The following FRMPD4 variants were observed in gnomAD, a reference collection of about 807,000 sequenced individuals.
FRMPD4 encodes the protein FERM and PDZ domain containing 4.
FRMPD4 carries 22 observed loss-of-function variants against 94.1 expected under a neutral mutation model. That is an observed-to-expected ratio of 0.23 (90% confidence interval 0.17 to 0.33). The LOEUF is 0.33. FRMPD4 is among the 10% of genes least tolerant of loss of function. The probability of loss-of-function intolerance (pLI) is 1.00; values close to 1 mark genes in which losing one functional copy is unlikely to be tolerated. For missense variants in FRMPD4, 1,111 were observed against 1,339.9 expected (o/e 0.83, Z 2.67); for synonymous variants, 631 against 548.6 (o/e 1.15, Z -2.10).
At position 12,720,946 on chromosome X, in the gene FRMPD4, C is replaced by G; in HGVS notation, c.4377C>G (p.Ser1459Arg). Residue 1459 changes from serine (S) to arginine (R), a missense_variant, in exon 17 of 17, where the codon AGC becomes AGG. Physicochemically the swap from Ser to Arg is moderately radical, Grantham distance 110. Around this residue, in one of 8 missense-constraint regions of FRMPD4, gnomAD observed 551 missense variants for 591.6 expected, o/e 0.93. Coordinates refer to ENST00000675598, the MANE Select transcript of FRMPD4 (RefSeq NM_001368397.1). ...AGCTCACCAAAAGTTTTTCCCAAAG[C>G]TCAATGCACTTGAGCTCTGAGGGGA... ...GRKLTKSFSQ[S>R]SMHLSSEGRF... 1.6e-5 allele frequency: 13 copies of G among 797,345 alleles called. No individual in the cohort carries two copies. Among genetic ancestry groups the G allele is most frequent in the Non-Finnish European group, 2.0e-5 (13 of 665,145 alleles). The allele number at this position is 797,345 out of a possible 1,213,427, so 65.7% of individuals were successfully genotyped here.
intron 3 of FRMPD4, among the ~76,000 whole-genome samples, chrX:12,050,810 GTTCCAA>G: frequency 9.0e-6 from 1 of 110,503 alleles, no homozygotes; most frequent in Middle Eastern, 4.6e-3. Flanking sequence ...CCAAAAAATA[GTTCCAA>G]TCATACTTAA....
intron 3 of FRMPD4, among the ~76,000 whole-genome samples, chrX:12,123,128 T>C (rs1172806205): frequency 3.8e-5 from 4 of 105,521 alleles, no homozygotes; most frequent in Admixed American, 1.0e-4. Flanking sequence ...CTTTTCTTTT[T>C]TTTTTTTTTT....
intron 1 of FRMPD4, among the ~76,000 whole-genome samples, chrX:12,241,947 A>G (rs1332577364): frequency 3.0e-5 from 2 of 66,383 alleles, no homozygotes; most frequent in African/African-American, 8.8e-5. Context: ...GGGGAAGGGG[A>G]AGGGGAGGAG....
intron 1 of FRMPD4, among the ~76,000 whole-genome samples, chrX:12,434,947 T>G (rs1218333954): frequency 8.9e-6 from 1 of 112,882 alleles, no homozygotes; most frequent in African/African-American, 3.2e-5. Flanking sequence ...AGCAAAAATC[T>G]TGTTTCAGAT....
At chrX:12,702,384 A>T (rs1414529945) in intron 10 of FRMPD4, among the ~76,000 whole-genome samples, 1 of 111,955 alleles carries the variant, frequency 8.9e-6, no homozygotes, top group Non-Finnish European at 1.9e-5. Flanking sequence ...CGAGTCATAG[A>T]ATAACTTGCC....
chrX:12,091,050 C>G (rs1366620113), intron 3 of FRMPD4, among the ~76,000 whole-genome samples: 1 of 112,099 alleles, frequency 8.9e-6, no homozygotes, highest in African/African-American at 3.2e-5. Context: ...TTTTGCTGAA[C>G]AAGTACCTAC....
rs779251615 is a variant in FRMPD4, at chrX:12,609,784, G to A, written c.222G>A (p.Pro74=). The change falls in exon 3 of 17, where the codon CCG becomes CCA. Residue 74 remains proline (P), a synonymous_variant. Coordinates refer to ENST00000675598, the MANE Select transcript of FRMPD4 (RefSeq NM_001368397.1). The stretch of plus-strand genomic sequence containing the variant: ...TAGAGAGCTGCCAAATCATCCCTCC[G>A]GCTCCTCGGAAGGTGGAGATGAGAA... ...PRLESCQIIP[P]APRKVEMRRD... 1.3e-4 allele frequency: 151 copies of A among 1,206,761 alleles called. No individual in the cohort carries two copies. The South Asian group carries it at 1.5e-3, about 12-fold the overall frequency.
At chrX:12,515,785 G>A (rs1212034727) in intron 2 of FRMPD4, among the ~76,000 whole-genome samples, 1 of 111,273 alleles carries the variant, frequency 9.0e-6, no homozygotes, top group Non-Finnish European at 1.9e-5. Flanking sequence ...TTGACAGTGG[G>A]GTCGATAGTG....
intron 1 of FRMPD4, among the ~76,000 whole-genome samples, chrX:12,258,123 G>A (rs1455110089): frequency 9.1e-6 from 1 of 110,368 alleles, no homozygotes; most frequent in Non-Finnish European, 1.9e-5. Flanking sequence ...AATCCAATAT[G>A]TATATATTCC....
chrX:12,191,536 C>T (rs2056492352), intron 1 of FRMPD4, among the ~76,000 whole-genome samples: 1 of 111,888 alleles, frequency 8.9e-6, no homozygotes, highest in Non-Finnish European at 1.9e-5. Flanking sequence ...GTGTTATATC[C>T]AGACAGTGGA....
intron 1 of FRMPD4, among the ~76,000 whole-genome samples, chrX:12,450,385 A>T (rs1206243376): frequency 8.9e-6 from 1 of 111,814 alleles, no homozygotes; most frequent in African/African-American, 3.3e-5. Context: ...CTGTTCTACC[A>T]TTATAGTGAA....
intron 1 of FRMPD4, among the ~76,000 whole-genome samples, chrX:12,188,862 G>A (rs960981413): frequency 6.3e-5 from 7 of 111,482 alleles, no homozygotes; most frequent in African/African-American, 2.0e-4. Flanking sequence ...TATATAAAGA[G>A]TCCAGCATTT....
rs771686552 is a variant in FRMPD4, at chrX:12,719,994, AGAAAGGAAAG to A, written c.3965-489_3965-480del. Among the ~76,000 whole-genome samples, 91 of 81,954 alleles carry A rather than the reference AGAAAGGAAAG, an allele frequency of 1.1e-3. 1 individual carries two copies. The highest frequency in any genetic ancestry group is 4.5e-3 in the South Asian group (7 of 1,566). The allele number at this position is 81,954 out of a possible 115,157, so 71.2% of individuals were successfully genotyped here. A position where few individuals can be genotyped will look rare whatever the true frequency, so the allele number is the denominator to read the frequency against. ...CACTTCTTTAAAAGAAAGAAAGGAA[AGAAAGGAAAG>A]GAAAGGAAAGGAAAGGAAAGGAAAG... On this transcript the variant is annotated intron_variant, in intron 16 of 16. Coordinates refer to ENST00000675598, the MANE Select transcript of FRMPD4 (RefSeq NM_001368397.1).
At chrX:12,235,995 G>A (rs928867682) in intron 1 of FRMPD4, among the ~76,000 whole-genome samples, 4 of 111,034 alleles carry the variant, frequency 3.6e-5, no homozygotes, top group East Asian at 2.8e-4. Flanking sequence ...CTGCCCCTCC[G>A]GCCTATCTCC....
chrX:12,044,295 T>C (rs1030906716), intron 3 of FRMPD4, among the ~76,000 whole-genome samples: 1 of 112,565 alleles, frequency 8.9e-6, no homozygotes, highest in African/African-American at 3.2e-5. Context: ...CAGCTCGTTC[T>C]TAACTCTGTC....
chrX:11,959,630 T>G (rs1384896629), intron 3 of FRMPD4, among the ~76,000 whole-genome samples: 1 of 111,420 alleles, frequency 9.0e-6, no homozygotes. Flanking sequence ...AGGACAGCAG[T>G]CAGGTGGTTG....
Position 12,509,501 on chromosome X carries a change from A to G in FRMPD4, c.158+10705A>G, listed in dbSNP as rs768856974. ...ACTCAGGAATGGAAGACCAAACATC[A>G]TATGTTCTCACTCATAAGTGGGAGC... On this transcript the variant is annotated intron_variant, in intron 2 of 16. Coordinates refer to ENST00000675598, the MANE Select transcript of FRMPD4 (RefSeq NM_001368397.1). Among the ~76,000 whole-genome samples the G allele has an allele frequency of 1.2e-4, 14 of 112,126 alleles. No individual in the cohort carries two copies. In the East Asian group the frequency reaches 3.9e-3, roughly 31 times the overall value.
intron 2 of FRMPD4, among the ~76,000 whole-genome samples, chrX:12,577,467 C>G (rs2058822844): frequency 9.1e-6 from 1 of 110,387 alleles, no homozygotes; most frequent in Admixed American, 9.7e-5. Flanking sequence ...AGTTATGCCT[C>G]AAGAAGAGGG....
intron 1 of FRMPD4, among the ~76,000 whole-genome samples, chrX:12,405,035 TA>T (rs1306025682): frequency 2.7e-5 from 3 of 111,211 alleles, no homozygotes; most frequent in African/African-American, 9.8e-5. Context: ...CTTGGGGATT[TA>T]AAAAAAATAC....
Sources: allele counts gnomAD v4.1 joint callset (sites outside exome capture counted in the v4.1 genomes callset), GRCh38; gene constraint gnomAD v4.1.1; regional missense constraint gnomAD v4.1.1; transcripts MANE v1.5; gene names NCBI Gene and HGNC (gene_info 2026-07-23, HGNC 2026-07-21).